Variants in TPPP observed in about 807,000 individuals in gnomAD.
TPPP encodes tubulin polymerization-promoting protein.
TPPP carries 6 observed loss-of-function variants against 15.5 expected under a neutral mutation model. The ratio of observed to expected loss-of-function variants is 0.39; its 90% CI spans 0.21 to 0.77. The LOEUF (loss-of-function observed/expected upper bound fraction) is 0.77. Among genes scored for constraint, TPPP ranks in the 30% least tolerant of loss-of-function variants. TPPP has a pLI of 0.42. For missense variants in TPPP, 269 were observed against 307.2 expected, an observed-to-expected ratio of 0.88 and a Z score of 0.93; for synonymous variants, 146 against 133.9, an observed-to-expected ratio of 1.09 and a Z score of -0.63.
chr5:686,754 G>A (rs551632046), intron 1 of TPPP, among the ~76,000 whole-genome samples: 434 of 146,684 alleles, frequency 3.0e-3, no homozygotes, highest in African/African-American at 0.01. Context: ...AGGTGCTACA[G>A]GCTGAATTCG....
intron 1 of TPPP, among the ~76,000 whole-genome samples, chr5:685,742 T>G (rs1561093748): frequency 6.6e-6 from 1 of 152,172 alleles, no homozygotes; most frequent in South Asian, 2.1e-4. Context: ...GCGCCCAGCG[T>G]GGCCACTCTG....
chr5:696,124 G>C (rs533207050), upstream of TPPP, among the ~76,000 whole-genome samples: 141 of 129,080 alleles, frequency 1.1e-3, 4 homozygotes, highest in South Asian at 0.033. Flanking sequence ...GTGGGTAGAG[G>C]TTCAGGCTGA....
At chr5:672,060 C>G (rs1014991692) in intron 2 of TPPP, among the ~76,000 whole-genome samples, 3 of 152,250 alleles carry the variant, frequency 2.0e-5, no homozygotes, top group Non-Finnish European at 4.4e-5. Context: ...TCCAAACACA[C>G]TGTGACCTGG....
upstream of TPPP, among the ~76,000 whole-genome samples, chr5:697,525 T>A (rs1217056721): frequency 6.6e-6 from 1 of 152,046 alleles, no homozygotes; most frequent in East Asian, 1.9e-4. Flanking sequence ...AACTTGTGTC[T>A]GCAGTGGAGA....
intron 1 of TPPP, 122 bp from the exon 2 acceptor site, chr5:678,186 G>A (rs1471406418): frequency 8.6e-6 from 9 of 1,040,800 alleles, no homozygotes; most frequent in Middle Eastern, 3.2e-4. Flanking sequence ...AGATGGGCAG[G>A]CCCTCCTGGG....
At chr5:699,258 C>T in the TPPP span, among the ~76,000 whole-genome samples, 9 of 152,030 alleles carry the variant, frequency 5.9e-5, no homozygotes, top group Non-Finnish European at 5.9e-5. Context: ...GTATGGTAAC[C>T]AAAACAGCAT....
rs1016926813 is a variant in TPPP, at chr5:662,398, GCAGCGTCCTGGTGCCCAGCACCTCTCCT to G, written c.*2676_*2703del. 6.6e-6 allele frequency: 1 copy of G among 152,484 alleles called. No homozygotes were observed. The highest frequency in any genetic ancestry group is 1.5e-5 in the Non-Finnish European group (1 of 68,086). The allele number at this position is 152,484 out of a possible 1,614,324, so 9.4% of individuals were successfully genotyped here. A position where few individuals can be genotyped will look rare whatever the true frequency, so the allele number is the denominator to read the frequency against. The stretch of plus-strand genomic sequence containing the variant: ...TCTGAGGCCAACCAGGGACCAGGAG[GCAGCGTCCTGGTGCCCAGCACCTCTCCT>G]CAGTGTCCCTCGTCCCCACAGACCG... On this transcript the variant is annotated 3_prime_UTR_variant, in exon 4 of 4. Coordinates refer to ENST00000360578, the MANE Select transcript of TPPP (RefSeq NM_007030.3).
intron 2 of TPPP, 81 bp from the exon 3 acceptor site, chr5:666,204 G>T: frequency 6.7e-7 from 1 of 1,503,524 alleles, no homozygotes; most frequent in Non-Finnish European, 9.0e-7. Context: ...GAGCAGAGCT[G>T]GACAGCCATG....
chr5:682,460 C>G (rs1215165521), intron 1 of TPPP, among the ~76,000 whole-genome samples: 1 of 150,244 alleles, frequency 6.7e-6, no homozygotes, highest in Non-Finnish European at 1.5e-5. Context: ...GAGCCTGTTA[C>G]TAGGGCCTGG....
chr5:681,680 A>G (rs1295445958), intron 1 of TPPP, among the ~76,000 whole-genome samples: 1 of 44,810 alleles, frequency 2.2e-5, no homozygotes, highest in Non-Finnish European at 5.0e-5. Flanking sequence ...ACTCCCACCC[A>G]CCCCCAGCGC....
At chr5:666,192 C>A in intron 2 of TPPP, 69 bp from the exon 3 acceptor site, 1 of 1,551,466 alleles carries the variant, frequency 6.4e-7, no homozygotes, top group South Asian at 1.2e-5. Flanking sequence ...ACGCGTGGGT[C>A]TGAGCAGAGC....
the TPPP span, among the ~76,000 whole-genome samples, chr5:699,945 A>C: frequency 6.6e-6 from 1 of 151,840 alleles, no homozygotes; most frequent in Non-Finnish European, 1.5e-5. Context: ...TAAAAGTAAG[A>C]GATTTTAGTG....
chr5:684,922 C>T (rs1054220534), intron 1 of TPPP, among the ~76,000 whole-genome samples: 1 of 152,212 alleles, frequency 6.6e-6, no homozygotes, highest in African/African-American at 2.4e-5. Context: ...GGATGATCAG[C>T]CGCTCCAGCC....
chr5:683,896 T>C (rs1354814808), intron 1 of TPPP, among the ~76,000 whole-genome samples: 4 of 152,234 alleles, frequency 2.6e-5, no homozygotes, highest in Non-Finnish European at 4.4e-5. Flanking sequence ...CAGGCTCAGC[T>C]GGGTGTGCTG....
In TPPP at chr5:664,644, C is replaced by T. The variant is rs79742881; in HGVS notation, c.*458G>A. 0.016 allele frequency: 2,655 copies of T among 169,096 alleles called. 31 individuals are homozygous for T. The highest frequency in any genetic ancestry group is 0.025 in the Non-Finnish European group (1,957 of 78,402). 10.5% of individuals were successfully genotyped at this position (169,096 alleles called of 1,614,324 possible). ...GGACAGGCCTCGGGCCCCACAGACA[C>T]CTCCCACGTCCGGTGTGGGGCCAAT... On this transcript the variant is annotated 3_prime_UTR_variant, in exon 4 of 4. Coordinates refer to ENST00000360578, the MANE Select transcript of TPPP (RefSeq NM_007030.3).
upstream of TPPP, among the ~76,000 whole-genome samples, chr5:696,994 CTG>C (rs1215624851): frequency 1.8e-4 from 26 of 143,184 alleles, no homozygotes; most frequent in African/African-American, 6.5e-4. Context: ...GTGCATGTGT[CTG>C]TGTGCCTGCG....
At chr5:679,585 C>A (rs1740566396) in intron 1 of TPPP, among the ~76,000 whole-genome samples, 1 of 152,086 alleles carries the variant, frequency 6.6e-6, no homozygotes, top group South Asian at 2.1e-4. Context: ...GGTCGCTGGA[C>A]AGGAGGAGCA....
At position 674,817 on chromosome 5, in the gene TPPP, C is replaced by T. The variant is rs886922428; in HGVS notation, c.311+2933G>A. On this transcript the variant is annotated intron_variant, in intron 2 of 3. Transcript: ENST00000360578. Reference sequence around the variant, plus strand: ...GTGGGCTGGTCTGTCCTCCAGGCAGCGGCTGACATAAGCCCTGTGGATGAT... The same window carrying T: ...GTGGGCTGGTCTGTCCTCCAGGCAGTGGCTGACATAAGCCCTGTGGATGAT... 2.1e-4 allele frequency among the ~76,000 whole-genome samples: 32 copies of T among 151,676 alleles called. 1 individual carries two copies. Among genetic ancestry groups the T allele is most frequent in the African/African-American group, 7.5e-4 (31 of 41,136 alleles).
chr5:682,634 G>T (rs400264), intron 1 of TPPP, among the ~76,000 whole-genome samples: 59,193 of 145,426 alleles, frequency 0.41, 10,012 homozygotes, highest in East Asian at 0.49. Flanking sequence ...TAGCGCCAGG[G>T]GTCTGCCCCT....
Sources: gnomAD v4.1 joint callset for allele counts (sites outside exome capture counted in the v4.1 genomes callset) on GRCh38, gnomAD v4.1.1 for gene constraint, MANE v1.5 for transcripts, NCBI Gene and HGNC (gene_info 2026-07-23, HGNC 2026-07-21) for gene names.